The following ADAMTS19 variants were observed in gnomAD, a reference collection of about 807,000 sequenced individuals.
ADAMTS19 encodes A disintegrin and metalloproteinase with thrombospondin motifs 19.
A neutral mutation model predicts 153.3 loss-of-function variants in ADAMTS19; 93 were observed. That is an observed-to-expected ratio of 0.61 (90% CI 0.51 to 0.72). ADAMTS19 has a LOEUF of 0.72. ADAMTS19 is among the 30% of genes least tolerant of loss of function. The pLI, the probability that ADAMTS19 is intolerant of heterozygous loss-of-function variation, is 0.00. For synonymous variants in ADAMTS19, 600 were observed against 556.6 expected (o/e 1.08, Z -1.10); for missense variants, 1,482 against 1,552.1 (o/e 0.95, Z 0.76).
At position 129,526,306 on chromosome 5, in the gene ADAMTS19, A is replaced by G; in HGVS notation, c.936A>G (p.Arg312=). 1 of 1,591,496 alleles carries G rather than the reference A, an allele frequency of 6.3e-7. No individual in the cohort carries two copies. Among genetic ancestry groups the G allele is most frequent in the Non-Finnish European group, 8.5e-7 (1 of 1,171,794 alleles). The change falls in exon 4 of 23, where the codon AGA becomes AGG. Residue 312 remains arginine (R), a synonymous_variant. Transcript: ENST00000274487. ...CAGATAAAGGAAGACCTAGGTCTAGAAAAATAGCAGAAAGTGGAAGAGGGA... is the reference window on the plus strand; with the variant it reads ...CAGATAAAGGAAGACCTAGGTCTAGGAAAATAGCAGAAAGTGGAAGAGGGA... The part of the protein sequence containing the change: ...IISDKGRPRS[R]KIAESGRGKR...
Position 129,737,049 on chromosome 5 carries a change from C to T in ADAMTS19, c.3491-18C>T. 6.4e-7 allele frequency: 1 copy of T among 1,569,522 alleles called. No individual in the cohort carries two copies. Among genetic ancestry groups the T allele is most frequent in the South Asian group, 1.2e-5 (1 of 86,094 alleles). On this transcript the variant is annotated intron_variant, in intron 22 of 22. Transcript: ENST00000274487. ...ATGATATCTGCATGGAGTGAATTCA[C>T]TATGTTCTGTTTCACAGCTGCTCTG... is the stretch of plus-strand genomic sequence containing the variant.
intron 19 of ADAMTS19, among the ~76,000 whole-genome samples, chr5:129,699,234 CA>C (rs200909424): frequency 0.02 from 2,987 of 151,986 alleles, 44 homozygotes; most frequent in Non-Finnish European, 0.029. Flanking sequence ...CCAGCCTGGC[CA>C]AAATGTTGAA....
chr5:129,642,883 A>G (rs1752859695), intron 11 of ADAMTS19, among the ~76,000 whole-genome samples: 1 of 152,200 alleles, frequency 6.6e-6, no homozygotes, highest in African/African-American at 2.4e-5. Context: ...GAAAGTACAC[A>G]CACAGACGCA....
At position 129,622,333 on chromosome 5, in the gene ADAMTS19, T is replaced by C; in HGVS notation, c.1755T>C (p.Phe585=). 6.2e-7 allele frequency: 1 copy of C among 1,614,024 alleles called. No individual in the cohort carries two copies. The highest frequency in any genetic ancestry group is 8.5e-7 in the Non-Finnish European group (1 of 1,179,964). The part of the protein sequence containing the change: ...CQILFGPLAS[F]CQEMQHVICT... ...TCCTTTTTGGGCCATTGGCTTCTTT[T>C]TGTCAGGAGATGCAGGTAAAGATCC... The change falls in exon 10 of 23, where the codon TTT becomes TTC. Residue 585 remains phenylalanine, a synonymous_variant. Coordinates refer to ENST00000274487, the MANE Select transcript of ADAMTS19 (RefSeq NM_133638.6).
chr5:129,588,591 T>G (rs1485315293), intron 7 of ADAMTS19, among the ~76,000 whole-genome samples: 2 of 151,990 alleles, frequency 1.3e-5, no homozygotes, highest in African/African-American at 4.8e-5. Context: ...TAGTTTGAGA[T>G]GAAATTGCAA....
chr5:129,715,616 A>AT (rs1428112962), intron 21 of ADAMTS19, among the ~76,000 whole-genome samples: 4 of 152,200 alleles, frequency 2.6e-5, no homozygotes, highest in African/African-American at 4.8e-5. Context: ...AGTGGGAGGT[A>AT]AGAAAGCAGG....
intron 21 of ADAMTS19, among the ~76,000 whole-genome samples, chr5:129,717,408 C>T (rs1374941372): frequency 6.6e-6 from 1 of 152,030 alleles, no homozygotes; most frequent in Non-Finnish European, 1.5e-5. Flanking sequence ...ATATATTTTA[C>T]AACAAAAGAT....
chr5:129,658,707 A>T lies in ADAMTS19; in HGVS notation c.2395A>T (p.Lys799Ter). The stretch of plus-strand genomic sequence containing the variant: ...CAATGGAAAATCATGCAAGATCATT[A>T]AAGGGGATTTTAATCACACCAGAGG... Reference protein sequence around the residue: ...NGNGKSCKIIKGDFNHTRGAG... With the variant: ...NGNGKSCKII Residue 799 changes from lysine to a stop codon, truncating the protein, a stop_gained, in exon 15 of 23, where the codon AAA (lysine) becomes TAA (stop). Coordinates refer to ENST00000274487, the MANE Select transcript of ADAMTS19 (RefSeq NM_133638.6). LOFTEE classifies it high-confidence loss of function. 6.2e-7 allele frequency: 1 copy of T among 1,612,964 alleles called. No homozygotes were observed. Among genetic ancestry groups the T allele is most frequent in the Non-Finnish European group, 8.5e-7 (1 of 1,179,384 alleles).
chr5:129,571,006 G>T (rs570257658), intron 7 of ADAMTS19, among the ~76,000 whole-genome samples: 1 of 151,940 alleles, frequency 6.6e-6, no homozygotes, highest in East Asian at 1.9e-4. Context: ...TTCTGACTCA[G>T]ACTGAAGCAA....
intron 21 of ADAMTS19, among the ~76,000 whole-genome samples, chr5:129,721,725 T>A (rs1757012301): frequency 6.6e-6 from 1 of 152,094 alleles, no homozygotes; most frequent in Non-Finnish European, 1.5e-5. Context: ...CTGCATGCAT[T>A]AGCTATTTGT....
rs534336604 is a variant in ADAMTS19, at chr5:129,655,565, A to G, written c.2304+1132A>G. Among the ~76,000 whole-genome samples the G allele has an allele frequency of 2.2e-4, 34 of 152,330 alleles. No homozygotes were observed. In the South Asian group the frequency reaches 3.1e-3, roughly 14 times the overall value. On this transcript the variant is annotated intron_variant, in intron 14 of 22. Transcript: ENST00000274487. ...AAAGTTGGTAGACCATTGGTCATTG[A>G]CTTTGTGCTATATACACTCCTTTGA...
chr5:129,649,918 C>CT (rs1321655842), intron 13 of ADAMTS19, among the ~76,000 whole-genome samples: 6 of 152,184 alleles, frequency 3.9e-5, no homozygotes, highest in African/African-American at 1.4e-4. Flanking sequence ...TGGCTCACAC[C>CT]TGTAATCTCA....
chr5:129,627,079 A>G (rs953302300), intron 10 of ADAMTS19, among the ~76,000 whole-genome samples: 1 of 152,100 alleles, frequency 6.6e-6, no homozygotes, highest in Non-Finnish European at 1.5e-5. Context: ...TGCCCATTAC[A>G]CATCCAAGTA....
At chr5:129,705,815 G>A (rs149443639) in intron 21 of ADAMTS19, among the ~76,000 whole-genome samples, 2,068 of 152,246 alleles carry the variant, frequency 0.014, 24 homozygotes, top group Middle Eastern at 0.034. Flanking sequence ...CAAGAGATAC[G>A]GAGGACAATT....
intron 4 of ADAMTS19, 106 bp from the exon 5 acceptor site, chr5:129,527,642 A>G: frequency 2.8e-6 from 1 of 357,160 alleles, no homozygotes; most frequent in Non-Finnish European, 5.2e-6. Context: ...TTAAAAAAAA[A>G]AAAAGATGTC....
At chr5:129,670,724 G>A (rs1367404821) in intron 16 of ADAMTS19, among the ~76,000 whole-genome samples, 1 of 151,884 alleles carries the variant, frequency 6.6e-6, no homozygotes, top group East Asian at 1.9e-4. Context: ...TTTAAACCAG[G>A]GTGATCAACT....
chr5:129,460,888 G>A (rs1438245892), intron 1 of ADAMTS19, among the ~76,000 whole-genome samples: 1 of 85,128 alleles, frequency 1.2e-5, no homozygotes, highest in Admixed American at 1.4e-4. Flanking sequence ...CCCCTCCCCC[G>A]CCCCTAATAT....
chr5:129,600,974 G>A (rs1750622872), intron 8 of ADAMTS19, among the ~76,000 whole-genome samples: 1 of 152,000 alleles, frequency 6.6e-6, no homozygotes, highest in African/African-American at 2.4e-5. Flanking sequence ...GGGTTCAAGC[G>A]ATTCTCCTGC....
At chr5:129,693,920 T>C (rs907150210) in intron 18 of ADAMTS19, among the ~76,000 whole-genome samples, 2 of 152,162 alleles carry the variant, frequency 1.3e-5, no homozygotes, top group South Asian at 2.1e-4. Context: ...TTAGAGGTGA[T>C]AAGAATAAAG....
Sources: gnomAD v4.1 joint callset for allele counts (sites outside exome capture counted in the v4.1 genomes callset) on GRCh38, gnomAD v4.1.1 for gene constraint, MANE v1.5 for transcripts, NCBI Gene and HGNC (gene_info 2026-07-23, HGNC 2026-07-21) for gene names.